GALNTL6: variants seen among roughly 807,000 people sequenced by gnomAD.
The protein encoded by GALNTL6 is polypeptide N-acetylgalactosaminyltransferase-like 6.
Under a neutral mutation model 73.7 loss-of-function variants are expected in GALNTL6, and 46 were observed. That is an observed-to-expected ratio of 0.62 (90% CI 0.49 to 0.80). The LOEUF (loss-of-function observed/expected upper bound fraction) is 0.80. GALNTL6 is among the 30% of genes least tolerant of loss of function. The pLI is 0.00. For missense variants in GALNTL6, 604 were observed against 755.0 expected, an observed-to-expected ratio of 0.80 and a Z score of 2.34; for synonymous variants, 259 against 263.7, an observed-to-expected ratio of 0.98 and a Z score of 0.17.
At chr4:172,710,582 T>A (rs1475242290) in intron 5 of GALNTL6, among the ~76,000 whole-genome samples, 1 of 152,184 alleles carries the variant, frequency 6.6e-6, no homozygotes, top group Non-Finnish European at 1.5e-5. Flanking sequence ...ATTATCCAAC[T>A]ATGTCTTGCT....
intron 5 of GALNTL6, among the ~76,000 whole-genome samples, chr4:172,592,677 T>TATCTATC (rs1405465042): frequency 1.3e-5 from 2 of 150,264 alleles, no homozygotes; most frequent in African/African-American, 5.0e-5. Flanking sequence ...TCTGTCTATC[T>TATCTATC]ATCTATCTAT....
chr4:171,821,244 G>A (rs1367634912), intron 2 of GALNTL6, among the ~76,000 whole-genome samples: 1 of 151,984 alleles, frequency 6.6e-6, no homozygotes, highest in Non-Finnish European at 1.5e-5. Flanking sequence ...GTCTCACTAT[G>A]TTACCCAGGC....
At chr4:171,955,374 C>G (rs914755051) in intron 2 of GALNTL6, among the ~76,000 whole-genome samples, 2 of 27,818 alleles carry the variant, frequency 7.2e-5, no homozygotes, top group Non-Finnish European at 2.5e-4. Flanking sequence ...ATATATCTAT[C>G]TATCTATCTA....
At chr4:172,352,671 G>A (rs1345918477) in intron 5 of GALNTL6, among the ~76,000 whole-genome samples, 3 of 152,088 alleles carry the variant, frequency 2.0e-5, no homozygotes, top group Non-Finnish European at 2.9e-5. Context: ...TTAGATGAAT[G>A]CAAGTCTAAA....
intron 5 of GALNTL6, among the ~76,000 whole-genome samples, chr4:172,395,798 T>A (rs893252376): frequency 1.3e-5 from 2 of 152,164 alleles, no homozygotes; most frequent in Non-Finnish European, 2.9e-5. Context: ...TTCAAAAATT[T>A]AAACATGAAT....
intron 5 of GALNTL6, among the ~76,000 whole-genome samples, chr4:172,789,176 C>T (rs1739853700): frequency 6.6e-6 from 1 of 152,198 alleles, no homozygotes; most frequent in Admixed American, 6.5e-5. Context: ...GTCTTCCAGA[C>T]AGCCACAGGT....
At chr4:172,801,043 A>G (rs1378174660) in intron 5 of GALNTL6, among the ~76,000 whole-genome samples, 1 of 152,180 alleles carries the variant, frequency 6.6e-6, no homozygotes, top group Non-Finnish European at 1.5e-5. Context: ...AAAAATATAT[A>G]ATTGAAACAT....
At chr4:172,482,036 C>T (rs981003024) in intron 5 of GALNTL6, among the ~76,000 whole-genome samples, 4 of 152,216 alleles carry the variant, frequency 2.6e-5, no homozygotes, top group Non-Finnish European at 5.9e-5. Flanking sequence ...CAGCTGAGGC[C>T]AGGTGAGAAT....
At chr4:172,900,443 A>G (rs1279937584) in intron 8 of GALNTL6, among the ~76,000 whole-genome samples, 1 of 152,072 alleles carries the variant, frequency 6.6e-6, no homozygotes, top group African/African-American at 2.4e-5. Flanking sequence ...ATCCCTACCT[A>G]ATGGTTTCTC....
At chr4:173,013,979 T>C (rs1752669013) in intron 11 of GALNTL6, among the ~76,000 whole-genome samples, 1 of 152,180 alleles carries the variant, frequency 6.6e-6, no homozygotes, top group Non-Finnish European at 1.5e-5. Context: ...GGATTTTCTT[T>C]TTAATTCAAA....
chr4:172,678,966 C>G (rs1732466480), intron 5 of GALNTL6, among the ~76,000 whole-genome samples: 1 of 152,132 alleles, frequency 6.6e-6, no homozygotes, highest in Non-Finnish European at 1.5e-5. Flanking sequence ...CTCAATTTGT[C>G]CATAGCAACG....
At chr4:171,845,794 T>C (rs949703035) in intron 2 of GALNTL6, among the ~76,000 whole-genome samples, 2 of 152,200 alleles carry the variant, frequency 1.3e-5, no homozygotes, top group Non-Finnish European at 2.9e-5. Flanking sequence ...AAATCACTTG[T>C]ATTCATTAAA....
intron 2 of GALNTL6, among the ~76,000 whole-genome samples, chr4:171,869,207 C>G (rs1021791670): frequency 1.3e-5 from 2 of 151,972 alleles, no homozygotes; most frequent in Non-Finnish European, 2.9e-5. Context: ...CAGGGCCAGG[C>G]TCTGTTAAGT....
chr4:172,873,871 G>A (rs181783906), intron 7 of GALNTL6, among the ~76,000 whole-genome samples: 41 of 152,322 alleles, frequency 2.7e-4, no homozygotes, highest in African/African-American at 9.6e-4. Flanking sequence ...CATGCCACAT[G>A]CAGTAAATTT....
chr4:171,913,488 T>A (rs1004575220), intron 2 of GALNTL6, among the ~76,000 whole-genome samples: 8 of 152,212 alleles, frequency 5.3e-5, no homozygotes, highest in Non-Finnish European at 1.2e-4. Flanking sequence ...ATGGCTAAAA[T>A]GGTTACACAA....
At chr4:172,452,396 G>T (rs1732246352) in intron 5 of GALNTL6, among the ~76,000 whole-genome samples, 1 of 151,978 alleles carries the variant, frequency 6.6e-6, no homozygotes, top group South Asian at 2.1e-4. Context: ...AGACTGGGCT[G>T]CCCTACCCCT....
intron 2 of GALNTL6, among the ~76,000 whole-genome samples, chr4:172,227,246 T>G (rs894409151): frequency 6.6e-6 from 1 of 152,200 alleles, no homozygotes; most frequent in South Asian, 2.1e-4. Context: ...CCATCTCTTA[T>G]GTAAGGATGT....
chr4:172,855,673 T>G (rs1209264669), intron 7 of GALNTL6, among the ~76,000 whole-genome samples: 1 of 152,180 alleles, frequency 6.6e-6, no homozygotes, highest in Non-Finnish European at 1.5e-5. Context: ...AGTATTTGCT[T>G]TTTAAAAGAC....
chr4:172,065,955 C>A (rs1731349739), intron 2 of GALNTL6, among the ~76,000 whole-genome samples: 1 of 152,138 alleles, frequency 6.6e-6, no homozygotes, highest in Admixed American at 6.5e-5. Context: ...CTGGTCCCAC[C>A]CTTGACATGT....
Sources: gnomAD v4.1 joint callset for allele counts (sites outside exome capture counted in the v4.1 genomes callset) on GRCh38, gnomAD v4.1.1 for gene constraint, MANE v1.5 for transcripts, NCBI Gene and HGNC (gene_info 2026-07-23, HGNC 2026-07-21) for gene names.